GLYCTK: variants seen among roughly 807,000 people sequenced by gnomAD.
GLYCTK encodes glycerate kinase, also known as HBeAg binding protein 4.
A neutral mutation model predicts 24.8 loss-of-function variants in GLYCTK; 22 were observed. That is an observed-to-expected ratio of 0.89 (90% CI 0.63 to 1.27). The LOEUF (loss-of-function observed/expected upper bound fraction) is 1.27, where lower values mean the gene tolerates loss of function less well. Among genes scored for constraint, GLYCTK ranks in the 50% most tolerant of loss-of-function variants. GLYCTK has a pLI of 0.00. For missense variants in GLYCTK, 684 were observed against 686.7 expected (o/e 1.00, Z 0.04); for synonymous variants, 320 against 297.2 (o/e 1.08, Z -0.79).
At chr3:52,289,466 T>TA (rs1402812853) in intron 1 of GLYCTK, among the ~76,000 whole-genome samples, 1 of 152,204 alleles carries the variant, frequency 6.6e-6, no homozygotes, top group East Asian at 1.9e-4. Flanking sequence ...TTGTTTTTGT[T>TA]ATCTTGGAAC....
rs543996917 is a variant in GLYCTK, at chr3:52,290,894, T to C, written c.378-66T>C. 7.5e-5 allele frequency: 120 copies of C among 1,606,776 alleles called. No individual in the cohort carries two copies. The African/African-American group carries it at 1.4e-3, about 19-fold the overall frequency. On this transcript the variant is annotated intron_variant, in intron 2 of 4. Transcript: ENST00000436784. ...GTTCATGCCCCCATCACCTGTAAAGTTGAGAGATCAGGTGGGAGGAGAGGA... is the reference window on the plus strand; with the variant it reads ...GTTCATGCCCCCATCACCTGTAAAGCTGAGAGATCAGGTGGGAGGAGAGGA...
rs1428723826 is a variant in GLYCTK at position 52,290,940 on chromosome 3, G to A, written c.378-20G>A. On this transcript the variant is annotated intron_variant, in intron 2 of 4. Coordinates refer to ENST00000436784, the MANE Select transcript of GLYCTK (RefSeq NM_145262.4). ...GAGGAGTCCACCCCATCTCTTGCGTGCTGACCTTTCCCTCCCCAGGGAGAT... is the reference window on the plus strand; with the variant it reads ...GAGGAGTCCACCCCATCTCTTGCGTACTGACCTTTCCCTCCCCAGGGAGAT... 7.4e-6 allele frequency: 12 copies of A among 1,613,942 alleles called. No homozygotes were observed. The highest frequency in any genetic ancestry group is 1.0e-5 in the Non-Finnish European group (12 of 1,180,028).
intron 4 of GLYCTK, 89 bp downstream of exon 4, chr3:52,292,011 A>G: frequency 7.4e-7 from 1 of 1,352,824 alleles, no homozygotes; most frequent in Non-Finnish European, 1.0e-6. Context: ...CAGCATATAG[A>G]TTGGCAGGGG....
chr3:52,292,788 G>A lies in GLYCTK; in HGVS notation c.1234G>A (p.Val412Ile). 1 of 1,610,570 alleles carries A rather than the reference G, an allele frequency of 6.2e-7. No individual in the cohort carries two copies. Among genetic ancestry groups the A allele is most frequent in the Non-Finnish European group, 8.5e-7 (1 of 1,178,556 alleles). The change falls in exon 5 of 5, where the codon GTA becomes ATA. Residue 412 changes from valine (V) to isoleucine (I), a missense_variant. By Grantham distance (29) the Val-to-Ile change is conservative (BLOSUM62 3). Transcript: ENST00000436784. ...CCTGCTGGCTGGTGGCGAGCCCACA[G>A]TACAGCTGCAGGGCTCGGGCAGGGG... ...VCLLAGGEPT[V>I]QLQGSGRGGR...
rs1220089618 is a variant in GLYCTK at position 52,294,198 on chromosome 3, G to A, written c.*1072G>A. On this transcript the variant is annotated 3_prime_UTR_variant, in exon 5 of 5. Coordinates refer to ENST00000436784, the MANE Select transcript of GLYCTK (RefSeq NM_145262.4). Reference sequence around the variant, plus strand: ...GCCTCCTTTTGAGCCCCCTTGCTCAGTGTCAGAACCCTCCGCTGGCTGTCC... The same window carrying A: ...GCCTCCTTTTGAGCCCCCTTGCTCAATGTCAGAACCCTCCGCTGGCTGTCC... 1 of 534,574 alleles carries A rather than the reference G, an allele frequency of 1.9e-6. No homozygotes were observed. Among genetic ancestry groups the A allele is most frequent in the Non-Finnish European group, 3.8e-6 (1 of 260,086 alleles). The allele number at this position is 534,574 out of a possible 1,614,324, so 33.1% of individuals were successfully genotyped here. A position where few individuals can be genotyped will look rare whatever the true frequency, so the allele number is the denominator to read the frequency against.
At position 52,292,588 on chromosome 3, in the gene GLYCTK, C is replaced by T. The variant is rs1233588607; in HGVS notation, c.1034C>T (p.Ala345Val). 2.5e-6 allele frequency: 4 copies of T among 1,613,822 alleles called. No homozygotes were observed. Among genetic ancestry groups the T allele is most frequent in the African/African-American group, 2.7e-5 (2 of 74,944 alleles). The change falls in exon 5 of 5, where the codon GCC becomes GTC. Residue 345 changes from alanine (A) to valine (V), a missense_variant. Transcript: ENST00000436784. Reference protein sequence around the residue: ...AAMQGDVKSMAQFYGLLAHVA... With the variant: ...AAMQGDVKSMVQFYGLLAHVA... ...ATGCAAGGTGATGTAAAAAGTATGG[C>T]CCAGTTCTACGGGCTGCTGGCCCAT...
intron 4 of GLYCTK, 62 bp downstream of exon 4, chr3:52,291,984 G>A (rs1700484059): frequency 6.6e-7 from 1 of 1,507,838 alleles, no homozygotes; most frequent in Non-Finnish European, 9.1e-7. Flanking sequence ...CATGTGCCAG[G>A]GATGTGAAAG....
Position 52,292,434 on chromosome 3 carries a change from GACCCCCATGGGCCAC to G in GLYCTK, c.883_897del (p.Pro295_His299del). ...GACTGTGCTGTCTCGGGCCGACTCT[GACCCCCATGGGCCAC>G]ACACCTGTGGCCATGTCCTGAATGT... On this transcript the variant is annotated inframe_deletion, in exon 5 of 5. Transcript: ENST00000436784. 1 of 1,613,294 alleles carries G rather than the reference GACCCCCATGGGCCAC, an allele frequency of 6.2e-7. No individual in the cohort carries two copies. Among genetic ancestry groups the G allele is most frequent in the African/African-American group, 1.3e-5 (1 of 75,058 alleles).
rs752237468 is a variant in GLYCTK at position 52,294,352 on chromosome 3, C to T, written c.*1226C>T. The stretch of plus-strand genomic sequence containing the variant: ...ACTTCTTCCACCCCAACCCTCCCCT[C>T]CTCCCTGAGGGTGTGGAGGGGCCCT... On this transcript the variant is annotated 3_prime_UTR_variant, in exon 5 of 5. Coordinates refer to ENST00000436784, the MANE Select transcript of GLYCTK (RefSeq NM_145262.4). The T allele has an allele frequency of 3.7e-6, 2 of 534,010 alleles. No homozygotes were observed. The highest frequency in any genetic ancestry group is 7.7e-6 in the Non-Finnish European group (2 of 259,898). The allele number at this position is 534,010 out of a possible 1,614,324, so 33.1% of individuals were successfully genotyped here. A position where few individuals can be genotyped will look rare whatever the true frequency, so the allele number is the denominator to read the frequency against.
In GLYCTK at chr3:52,293,023, A is replaced by G. The variant is rs763485712; in HGVS notation, c.1469A>G (p.His490Arg). Residue 490 changes from histidine (H) to arginine (R), a missense_variant, in exon 5 of 5, where the codon CAT (histidine) becomes CGT (arginine). His to Arg is a conservative substitution (Grantham distance 29). Coordinates refer to ENST00000436784, the MANE Select transcript of GLYCTK (RefSeq NM_145262.4). ...ACCTTCCTAGCCCACAATGACTCAC[A>G]TACCTTCTTCTGCTGCCTCCAGGGT... Reference protein sequence around the residue: ...IATFLAHNDSHTFFCCLQGGA... With the variant: ...IATFLAHNDSRTFFCCLQGGA... 9.3e-6 allele frequency: 15 copies of G among 1,614,074 alleles called. No individual in the cohort carries two copies. In the South Asian group the frequency reaches 1.6e-4, roughly 18 times the overall value.
rs1395161520 is a variant in GLYCTK at position 52,292,265 on chromosome 3, G to A, written c.711G>A (p.Val237=). Residue 237 remains valine, a synonymous_variant, in exon 5 of 5, where the codon GTG becomes GTA. Transcript: ENST00000436784. ...GTCTGGTGGCCCTTCCCCAGGTGGT[G>A]AGCCTCATCCTGTCAGATGTGGTGG... ...LAQAAYPAQV[V]SLILSDVVGD... 1.2e-6 allele frequency: 2 copies of A among 1,613,802 alleles called. No individual in the cohort carries two copies. The highest frequency in any genetic ancestry group is 1.7e-6 in the Non-Finnish European group (2 of 1,179,958).
chr3:52,292,411 C>T lies in GLYCTK; in HGVS notation c.857C>T (p.Thr286Ile). The T allele has an allele frequency of 3.1e-6, 5 of 1,613,792 alleles. No individual in the cohort carries two copies. The highest frequency in any genetic ancestry group is 4.2e-6 in the Non-Finnish European group (5 of 1,179,990). The change falls in exon 5 of 5, where the codon ACT (threonine) becomes ATT (isoleucine). Residue 286 changes from threonine to isoleucine, a missense_variant. Physicochemically the swap from Thr to Ile is moderately conservative, Grantham distance 89 (BLOSUM62 -1). Transcript: ENST00000436784. ...GCAGCCCTGCCACGTTCTGTGAAGA[C>T]TGTGCTGTCTCGGGCCGACTCTGAC... ...LRAALPRSVK[T>I]VLSRADSDPH...
Position 52,292,839 on chromosome 3 carries a change from C to G in GLYCTK, c.1285C>G (p.Arg429Gly). The change falls in exon 5 of 5, where the codon CGT becomes GGT. Residue 429 changes from arginine (R) to glycine (G), a missense_variant. Physicochemically the swap from Arg to Gly is moderately radical, Grantham distance 125. Transcript: ENST00000436784. ...RGGRNQELAL[R>G]VGAELRRWPL... ...TGGCCGGAACCAGGAACTGGCCCTG[C>G]GTGTTGGAGCAGAGTTGAGAAGGTG... 2 of 1,613,634 alleles carry G rather than the reference C, an allele frequency of 1.2e-6. No individual in the cohort carries two copies. The highest frequency in any genetic ancestry group is 1.7e-6 in the Non-Finnish European group (2 of 1,179,884).
Position 52,292,305 on chromosome 3 carries a change from G to C in GLYCTK, c.751G>C (p.Val251Leu). The change falls in exon 5 of 5, where the codon GTG becomes CTG. Residue 251 changes from valine (V) to leucine (L), a missense_variant. By Grantham distance (32) the Val-to-Leu change is conservative. Coordinates refer to ENST00000436784, the MANE Select transcript of GLYCTK (RefSeq NM_145262.4). ...LSDVVGDPVE[V>L]IASGPTVASS... The stretch of plus-strand genomic sequence containing the variant: ...AGATGTGGTGGGGGACCCTGTGGAG[G>C]TGATTGCCAGTGGCCCCACCGTGGC... 6.2e-7 allele frequency: 1 copy of C among 1,613,956 alleles called. No individual in the cohort carries two copies. Among genetic ancestry groups the C allele is most frequent in the East Asian group, 2.2e-5 (1 of 44,872 alleles).
rs577375721 is a variant in GLYCTK at position 52,294,483 on chromosome 3, A to G, written c.*1357A>G. 5.0e-6 allele frequency: 2 copies of G among 400,926 alleles called. No individual in the cohort carries two copies. Among genetic ancestry groups the G allele is most frequent in the Admixed American group, 5.8e-5 (2 of 34,604 alleles). The allele number at this position is 400,926 out of a possible 1,614,324, so 24.8% of individuals were successfully genotyped here. On this transcript the variant is annotated 3_prime_UTR_variant, in exon 5 of 5. Coordinates refer to ENST00000436784, the MANE Select transcript of GLYCTK (RefSeq NM_145262.4). The stretch of plus-strand genomic sequence containing the variant: ...TTCATGACCTGGGGGCCTGGCTCAC[A>G]CAGGGCAGGCTGGAGATTGGGAGGG...
Position 52,293,064 on chromosome 3 carries a change from C to T in GLYCTK, c.1510C>T (p.His504Tyr). 1 of 1,614,136 alleles carries T rather than the reference C, an allele frequency of 6.2e-7. No homozygotes were observed. The highest frequency in any genetic ancestry group is 8.5e-7 in the Non-Finnish European group (1 of 1,180,028). The change falls in exon 5 of 5, where the codon CAC becomes TAC. Residue 504 changes from histidine to tyrosine, a missense_variant. By Grantham distance (83) the His-to-Tyr change is moderately conservative. Transcript: ENST00000436784. ...CCLQGGAHLL[H>Y]TGMTGTNVMD... ...CCTCCAGGGTGGGGCACACCTGCTG[C>T]ACACAGGGATGACAGGTACCAATGT...
intron 1 of GLYCTK, 158 bp from the exon 2 acceptor site, chr3:52,290,145 GC>G: frequency 1.6e-6 from 1 of 626,314 alleles, no homozygotes; most frequent in Non-Finnish European, 2.8e-6. Context: ...GTAAGATCCT[GC>G]AGCTGCAGGC....
chr3:52,292,351 A>T lies in GLYCTK; in HGVS notation c.797A>T (p.Asp266Val), dbSNP rs1700497469. 6.2e-7 allele frequency: 1 copy of T among 1,613,890 alleles called. No individual in the cohort carries two copies. Among genetic ancestry groups the T allele is most frequent in the African/African-American group, 1.3e-5 (1 of 74,974 alleles). ...GTGGCCAGTTCCCACAATGTGCAAG[A>T]TTGCCTGCATATCCTCAATCGCTAC... ...PTVASSHNVQ[D>V]CLHILNRYGL... The change falls in exon 5 of 5, where the codon GAT becomes GTT. Residue 266 changes from aspartate (D) to valine (V), a missense_variant. By Grantham distance (152) the Asp-to-Val change is radical. Transcript: ENST00000436784.
intron 2 of GLYCTK, 29 bp downstream of exon 2, chr3:52,290,748 C>G (rs1357226753): frequency 6.2e-7 from 1 of 1,605,152 alleles, no homozygotes; most frequent in Non-Finnish European, 8.5e-7. Context: ...CTGCCTCCCT[C>G]TATCTATCTG....
Sources: gnomAD v4.1 joint callset for allele counts (sites outside exome capture counted in the v4.1 genomes callset) on GRCh38, gnomAD v4.1.1 for gene constraint, MANE v1.5 for transcripts, NCBI Gene and HGNC (gene_info 2026-07-23, HGNC 2026-07-21) for gene names.